The following YBX3 variants were observed in gnomAD, a reference collection of about 807,000 sequenced individuals.
YBX3 encodes Y-box-binding protein 3.
YBX3 carries 29 observed loss-of-function variants against 42.4 expected under a neutral mutation model. That is an observed-to-expected ratio of 0.68 (90% CI 0.51 to 0.93). The LOEUF (loss-of-function observed/expected upper bound fraction) is 0.93, where lower values mean the gene tolerates loss of function less well. Among genes scored for constraint, YBX3 ranks in the 40% least tolerant of loss-of-function variants. YBX3 has a pLI of 0.00. For missense variants in YBX3, 517 were observed against 527.5 expected, an observed-to-expected ratio of 0.98 and a Z score of 0.19; for synonymous variants, 195 against 189.8, an observed-to-expected ratio of 1.03 and a Z score of -0.22.
chr12:10,703,706 T>C, intron 7 of YBX3: 1 of 314,984 alleles, frequency 3.2e-6, no homozygotes, highest in Non-Finnish European at 6.2e-6. Context: ...TAACAGTCAC[T>C]ATCCCAAATA....
intron 1 of YBX3, among the ~76,000 whole-genome samples, chr12:10,721,740 G>A (rs145254993): frequency 1.5e-4 from 23 of 152,312 alleles, no homozygotes; most frequent in African/African-American, 5.3e-4. Context: ...AGGGCTCAGA[G>A]AGATGAGACA....
At chr12:10,704,283 C>A in intron 6 of YBX3, 135 bp from the exon 7 acceptor site, 1 of 617,758 alleles carries the variant, frequency 1.6e-6, no homozygotes, top group Non-Finnish European at 2.8e-6. Flanking sequence ...CTCTCAGTTG[C>A]AACACAAACT....
intron 4 of YBX3, 86 bp downstream of exon 4, chr12:10,715,608 T>A (rs1948251678): frequency 8.0e-7 from 1 of 1,246,310 alleles, no homozygotes; most frequent in African/African-American, 1.5e-5. Flanking sequence ...CAAAGTCATG[T>A]CAATTCATAA....
Position 10,713,320 on chromosome 12 carries a change from G to A in YBX3, c.464C>T (p.Ala155Val), listed in dbSNP as rs200173756. The change falls in exon 5 of 10, where the codon GCC becomes GTC. Residue 155 changes from alanine (A) to valine (V), a missense_variant. Coordinates refer to ENST00000228251, the MANE Select transcript of YBX3 (RefSeq NM_003651.5). ...AACTCCATCCGGGCCAGTCACATTG[G>A]CAGCTTCTGCACCCTGAGAAGAAAA... ...VVEGEKGAEAANVTGPDGVPV... is the reference protein window; with the variant it reads ...VVEGEKGAEAVNVTGPDGVPV... The A allele has an allele frequency of 3.7e-6, 6 of 1,613,766 alleles. No individual in the cohort carries two copies. In the East Asian group the frequency reaches 1.1e-4, roughly 30 times the overall value.
chr12:10,702,951 T>C (rs1254769673), intron 7 of YBX3: 2 of 152,226 alleles, frequency 1.3e-5, no homozygotes, highest in Admixed American at 1.3e-4. Context: ...CTGAGCTATA[T>C]AAAAGTGCTG....
chr12:10,722,986 C>T lies in YBX3; in HGVS notation c.126G>A (p.Gln42=). Residue 42 remains glutamine, a synonymous_variant, in exon 1 of 10, where the codon CAG becomes CAA. Coordinates refer to ENST00000228251, the MANE Select transcript of YBX3 (RefSeq NM_003651.5). ...GGGCGGCGGGCGCCGGGGCCGCGGC[C>T]TGGGGCGCACCGCTGCCCACCGGGC... ...PKSPVGSGAP[Q]AAAPAPAAHV... 1 of 1,221,570 alleles carries T rather than the reference C, an allele frequency of 8.2e-7. No individual in the cohort carries two copies. Among genetic ancestry groups the T allele is most frequent in the Non-Finnish European group, 1.0e-6 (1 of 984,786 alleles). The allele number at this position is 1,221,570 out of a possible 1,614,324, so 75.7% of individuals were successfully genotyped here. A position where few individuals can be genotyped will look rare whatever the true frequency, so the allele number is the denominator to read the frequency against.
At position 10,723,069 on chromosome 12, in the gene YBX3, G is replaced by GGGTGGT. The variant is rs566378677; in HGVS notation, c.37_42dup (p.Thr13_Thr14dup). The stretch of plus-strand genomic sequence containing the variant: ...GCCGCCTCCGTCGGAGCCTGCGGGA[G>GGGTGGT]GGTGGTGGTGGTGGTGGTGGTGGCC... On this transcript the variant is annotated inframe_insertion, in exon 1 of 10. Coordinates refer to ENST00000228251, the MANE Select transcript of YBX3 (RefSeq NM_003651.5). 5.1e-4 allele frequency: 615 copies of GGGTGGT among 1,207,688 alleles called. 1 individual carries two copies. Among genetic ancestry groups the GGGTGGT allele is most frequent in the African/African-American group, 2.8e-3 (175 of 62,916 alleles). 74.8% of individuals were successfully genotyped at this position (1,207,688 alleles called of 1,614,324 possible).
chr12:10,715,109 G>A (rs901177847), intron 4 of YBX3, among the ~76,000 whole-genome samples: 7 of 151,908 alleles, frequency 4.6e-5, no homozygotes, highest in Admixed American at 2.6e-4. Context: ...TCTGCATTTC[G>A]AAATACATAC....
chr12:10,701,644 T>C (rs1203135150), intron 8 of YBX3, among the ~76,000 whole-genome samples: 2 of 152,122 alleles, frequency 1.3e-5, no homozygotes, highest in African/African-American at 4.8e-5. Context: ...CTCCATAAAG[T>C]CTGATATACA....
In YBX3 at chr12:10,710,057, CA is replaced by C. The variant is rs1481056111; in HGVS notation, c.630del (p.Ala211ProfsTer57). 2.5e-6 allele frequency: 4 copies of C among 1,614,118 alleles called. No individual in the cohort carries two copies. Among genetic ancestry groups the C allele is most frequent in the Middle Eastern group, 1.7e-4 (1 of 6,060 alleles). On this transcript the variant is annotated frameshift_variant, in exon 6 of 10. Coordinates refer to ENST00000228251, the MANE Select transcript of YBX3 (RefSeq NM_003651.5). LOFTEE classifies it high-confidence loss of function. Reference protein sequence around the residue: ...GSGSSEGFDPPATDRQFSGAR... With the variant: ...GSGSSEGFDPXATDRQFSGAR... ...GCCCCAGAGAACTGCCTATCAGTGG[CA>C]GGGGGGTCAAATCCTTCACTGCTGC...
intron 5 of YBX3, chr12:10,710,734 T>A: frequency 2.1e-6 from 1 of 475,206 alleles, no homozygotes; most frequent in Non-Finnish European, 4.0e-6. Flanking sequence ...GCAGACTGAA[T>A]GCAGAAACAG....
intron 3 of YBX3, chr12:10,716,093 A>T: frequency 3.6e-6 from 1 of 276,688 alleles, no homozygotes; most frequent in South Asian, 4.6e-5. Flanking sequence ...ATCATATCAG[A>T]TGTATTAATT....
chr12:10,723,195 G>A lies in YBX3; in HGVS notation c.-84C>T. ...GCGGCTGGTGGTCGCGGCGGCCGGG[G>A]CTCGCTCTCGGGGAGGCCGGGGCGG... On this transcript the variant is annotated 5_prime_UTR_variant, in exon 1 of 10. Coordinates refer to ENST00000228251, the MANE Select transcript of YBX3 (RefSeq NM_003651.5). 1 of 1,176,748 alleles carries A rather than the reference G, an allele frequency of 8.5e-7. No homozygotes were observed. The highest frequency in any genetic ancestry group is 3.8e-5 in the East Asian group (1 of 26,544). The allele number at this position is 1,176,748 out of a possible 1,614,324, so 72.9% of individuals were successfully genotyped here. A position where few individuals can be genotyped will look rare whatever the true frequency, so the allele number is the denominator to read the frequency against.
intron 5 of YBX3, chr12:10,710,444 C>G (rs1948187773): frequency 8.1e-7 from 1 of 1,236,130 alleles, no homozygotes. Flanking sequence ...AATTTTTGCT[C>G]CATCAAATGC....
At chr12:10,701,902 A>G (rs1565584897) in intron 8 of YBX3, 58 bp downstream of exon 8, 1 of 1,535,896 alleles carries the variant, frequency 6.5e-7, no homozygotes, top group Admixed American at 2.1e-5. Flanking sequence ...TTAGAATGCT[A>G]AAGTCTGACA....
chr12:10,722,756 G>T, intron 1 of YBX3, 94 bp downstream of exon 1: 2 of 1,134,862 alleles, frequency 1.8e-6, no homozygotes, highest in African/African-American at 3.2e-5. Flanking sequence ...CTCCAGCCCG[G>T]GTGGGAGATG....
At chr12:10,722,233 T>C (rs554564322) in intron 1 of YBX3, 9 of 152,252 alleles carry the variant, frequency 5.9e-5, no homozygotes, top group Non-Finnish European at 7.3e-5. Flanking sequence ...CCGGAGACGA[T>C]TGCAACATCT....
chr12:10,715,642 GCAACAGTA>G, intron 4 of YBX3, 44 bp downstream of exon 4: 1 of 1,451,370 alleles, frequency 6.9e-7, no homozygotes, highest in Non-Finnish European at 9.7e-7. Flanking sequence ...AATTTATTGT[GCAACAGTA>G]CTATGTGCCA....
In YBX3 at chr12:10,715,723, C is replaced by G; in HGVS notation, c.421G>C (p.Val141Leu). Residue 141 changes from valine to leucine, a missense_variant, in exon 4 of 10, where the codon GTA becomes CTA. This residue lies in a region of YBX3 where 420 missense variants were observed against 408.5 expected (regional missense o/e 1.03). Coordinates refer to ENST00000228251, the MANE Select transcript of YBX3 (RefSeq NM_003651.5). ...YLRSVGDGET[V>L]EFDVVEGEKG... ...TCTCCTTCAACCACATCAAACTCTA[C>G]AGTTTCTCCATCTCCTACACTGCGC... The G allele has an allele frequency of 6.2e-7, 1 of 1,614,066 alleles. No homozygotes were observed.
Sources: allele counts gnomAD v4.1 joint callset (sites outside exome capture counted in the v4.1 genomes callset), GRCh38; gene constraint gnomAD v4.1.1; regional missense constraint gnomAD v4.1.1; transcripts MANE v1.5; gene names NCBI Gene and HGNC (gene_info 2026-07-23, HGNC 2026-07-21).